FANCD2OS: variants seen among roughly 807,000 people sequenced by gnomAD.
FANCD2OS encodes the protein FANCD2 opposite strand protein.
In FANCD2OS, 11 loss-of-function variants were observed where a neutral mutation model predicts 13.2. The ratio of observed to expected loss-of-function variants is 0.83; its 90% CI spans 0.52 to 1.38. FANCD2OS has a LOEUF of 1.38. FANCD2OS is among the 40% of genes most tolerant of loss of function. The probability of loss-of-function intolerance (pLI) is 0.00; values close to 1 mark genes in which losing one functional copy is unlikely to be tolerated. For synonymous variants in FANCD2OS, 69 were observed against 84.5 expected, an observed-to-expected ratio of 0.82 and a Z score of 1.01; for missense variants, 217 against 213.9, an observed-to-expected ratio of 1.01 and a Z score of -0.09.
downstream of FANCD2OS, among the ~76,000 whole-genome samples, chr3:10,100,592 G>C (rs1695243749): frequency 6.6e-6 from 1 of 152,108 alleles, no homozygotes; most frequent in Non-Finnish European, 1.5e-5. Flanking sequence ...GGCTGGTCTC[G>C]AACTCCTAAC....
chr3:10,085,998 T>C, intron 2 of FANCD2OS: 5 of 956,490 alleles, frequency 5.2e-6, no homozygotes, highest in Non-Finnish European at 6.9e-6. Context: ...TTCTTTAAAA[T>C]AACCTGGGTG....
At chr3:10,096,431 G>C (rs1694971199) in intron 2 of FANCD2OS, 1 of 1,614,170 alleles carries the variant, frequency 6.2e-7, no homozygotes, top group East Asian at 2.2e-5. Flanking sequence ...CAATTGTAGA[G>C]AGGCTTTCTG....
rs1345015617 is a variant in FANCD2OS at position 10,105,762 on chromosome 3, AAAAAAAAAATTATATATATATATATATAT to A, written c.-8-1009_-8-981del. 2.3e-3 allele frequency among the ~76,000 whole-genome samples: 169 copies of A among 75,048 alleles called. 11 individuals carry two copies. Among genetic ancestry groups the A allele is most frequent in the African/African-American group, 0.02 (160 of 7,938 alleles). The allele number at this position is 75,048 out of a possible 152,430, so 49.2% of individuals were successfully genotyped here. A position where few individuals can be genotyped will look rare whatever the true frequency, so the allele number is the denominator to read the frequency against. On this transcript the variant is annotated intron_variant, in intron 1 of 1. Transcript: ENST00000450660. The stretch of plus-strand genomic sequence containing the variant: ...CAAGACTCCATCTAAAAAAAAAAAA[AAAAAAAAAATTATATATATATATATATAT>A]ATATATATATATATATATATATATA...
chr3:10,095,583 G>A (rs1198995913), intron 2 of FANCD2OS, among the ~76,000 whole-genome samples: 1 of 152,232 alleles, frequency 6.6e-6, no homozygotes, highest in African/African-American at 2.4e-5. Flanking sequence ...GGACTGTGAT[G>A]TAAGTGATGA....
chr3:10,101,378 T>A (rs13068708), downstream of FANCD2OS: 5 of 117,862 alleles, frequency 4.2e-5, no homozygotes, highest in Non-Finnish European at 6.3e-5. Context: ...TTTGTTCCTC[T>A]TTTTTTTTTT....
intron 2 of FANCD2OS, among the ~76,000 whole-genome samples, chr3:10,087,839 G>C (rs1255376601): frequency 6.6e-6 from 1 of 151,982 alleles, no homozygotes; most frequent in Admixed American, 6.6e-5. Context: ...AGTGGAGACG[G>C]GGTTTCACCA....
chr3:10,090,251 T>G, intron 2 of FANCD2OS: 1 of 1,427,148 alleles, frequency 7.0e-7, no homozygotes, highest in Non-Finnish European at 9.9e-7. Context: ...TTCTAAGCAG[T>G]GCATCATGGT....
At chr3:10,102,842 C>CAAA (rs781512105), downstream of FANCD2OS, 10 of 67,930 alleles carry the variant, frequency 1.5e-4, no homozygotes, top group South Asian at 5.3e-4. Flanking sequence ...GACTCCGTCT[C>CAAA]AAAAAAAAAA....
At chr3:10,105,346 G>C (rs1027121783) in intron 1 of FANCD2OS, among the ~76,000 whole-genome samples, 2 of 152,180 alleles carry the variant, frequency 1.3e-5, no homozygotes, top group Non-Finnish European at 2.9e-5. Flanking sequence ...ATGCTGTGTT[G>C]TTAGCTGCTA....
At chr3:10,099,459 C>CA (rs538969444), downstream of FANCD2OS, 449 of 458,926 alleles carry the variant, frequency 9.8e-4, no homozygotes, top group Non-Finnish European at 1.2e-3. Context: ...CCTATCTCCA[C>CA]AAAAAAAATG....
chr3:10,096,562 C>CG, intron 2 of FANCD2OS: 1 of 1,217,486 alleles, frequency 8.2e-7, no homozygotes, highest in South Asian at 1.2e-5. Context: ...CCTAAGCCCT[C>CG]GTCTCTCAGT....
At chr3:10,085,041 A>T (rs1694097542) in intron 2 of FANCD2OS, among the ~76,000 whole-genome samples, 1 of 152,226 alleles carries the variant, frequency 6.6e-6, no homozygotes, top group Non-Finnish European at 1.5e-5. Context: ...AAGGTAATCC[A>T]AAGATAGAAA....
At chr3:10,096,299 A>T in intron 2 of FANCD2OS, 1 of 1,612,964 alleles carries the variant, frequency 6.2e-7, no homozygotes, top group Admixed American at 1.7e-5. Flanking sequence ...AACTCACAAA[A>T]GATGGATGTT....
At chr3:10,092,237 C>T (rs1694658044) in intron 2 of FANCD2OS, 1 of 1,613,068 alleles carries the variant, frequency 6.2e-7, no homozygotes, top group Non-Finnish European at 8.5e-7. Flanking sequence ...TCAGTATCCT[C>T]ATCAACTTGA....
Position 10,104,243 on chromosome 3 carries a change from A to G in FANCD2OS, c.532T>C (p.Ter178GlnextTer5), listed in dbSNP as rs1056050730. 42 of 1,602,390 alleles carry G rather than the reference A, an allele frequency of 2.6e-5. No individual in the cohort carries two copies. The highest frequency in any genetic ancestry group is 3.2e-5 in the Non-Finnish European group (38 of 1,173,708). Residue 178 changes from the stop codon to glutamine (Q), a stop_lost, in exon 2 of 2, where the codon TAA (stop) becomes CAA (glutamine). Transcript: ENST00000450660. ...KCTFALQHSK[*>Q] is the part of the protein sequence containing the mutation. Reference sequence around the variant, plus strand: ...AATGGGGATCAAATGAGGACCCTTTACTTGGAGTGCTGCAAGGCAAAGGTG... The same window carrying G: ...AATGGGGATCAAATGAGGACCCTTTGCTTGGAGTGCTGCAAGGCAAAGGTG...
chr3:10,087,457 C>A lies in FANCD2OS; in HGVS notation c.*44-5926G>T, dbSNP rs533880685. 7.3e-4 allele frequency among the ~76,000 whole-genome samples: 111 copies of A among 151,190 alleles called. 1 individual carries two copies. In the South Asian group the frequency reaches 0.018, roughly 25 times the overall value. ...CTGATTTCTGCTAAAATTGCTTAGTCTGAGTTTGGTTAGACAAGCTGAGTA... is the reference window on the plus strand; with the variant it reads ...CTGATTTCTGCTAAAATTGCTTAGTATGAGTTTGGTTAGACAAGCTGAGTA... On this transcript the variant is annotated intron_variant, in intron 2 of 2. Transcript: ENST00000524279.
Position 10,092,098 on chromosome 3 carries a change from T to A in FANCD2OS, c.*44-10567A>T, listed in dbSNP as rs540559416. On this transcript the variant is annotated intron_variant, in intron 2 of 2. Transcript: ENST00000524279. Reference sequence around the variant, plus strand: ...TTAAATATCTGTATAGCTATGTAATTCAAGAACTATATCTTAGTGGGAATA... The same window carrying A: ...TTAAATATCTGTATAGCTATGTAATACAAGAACTATATCTTAGTGGGAATA... 133 of 980,454 alleles carry A rather than the reference T, an allele frequency of 1.4e-4. 1 individual carries two copies. The South Asian group carries it at 1.6e-3, about 12-fold the overall frequency. The allele number at this position is 980,454 out of a possible 1,614,324, so 60.7% of individuals were successfully genotyped here.
At chr3:10,096,807 A>G (rs1018206494) in intron 2 of FANCD2OS, among the ~76,000 whole-genome samples, 2 of 152,220 alleles carry the variant, frequency 1.3e-5, no homozygotes, top group African/African-American at 2.4e-5. Flanking sequence ...ACATTTTTGT[A>G]TAGGGACAAA....
At chr3:10,085,454 C>T (rs1162604787) in intron 2 of FANCD2OS, among the ~76,000 whole-genome samples, 3 of 149,408 alleles carry the variant, frequency 2.0e-5, no homozygotes, top group Non-Finnish European at 4.4e-5. Flanking sequence ...TGCAGTGGCA[C>T]AATCTCGGCT....
Sources: gnomAD v4.1 joint callset for allele counts (sites outside exome capture counted in the v4.1 genomes callset) on GRCh38, gnomAD v4.1.1 for gene constraint, MANE v1.5 for transcripts, NCBI Gene and HGNC (gene_info 2026-07-23, HGNC 2026-07-21) for gene names.